RSRC1: variants seen among roughly 807,000 people sequenced by gnomAD.
RSRC1 encodes arginine and serine rich coiled-coil 1, also known as serine/Arginine-related protein 53.
Under a neutral mutation model 49.1 loss-of-function variants are expected in RSRC1, and 39 were observed. The observed-to-expected ratio is 0.79, with a 90% CI of 0.61 to 1.04. The LOEUF (loss-of-function observed/expected upper bound fraction) is 1.04, where lower values mean the gene tolerates loss of function less well. Among genes scored for constraint, RSRC1 ranks in the 50% least tolerant of loss-of-function variants. The pLI, the probability that RSRC1 is intolerant of heterozygous loss-of-function variation, is 0.00. For missense variants in RSRC1, 388 were observed against 402.4 expected, an observed-to-expected ratio of 0.96 and a Z score of 0.31; for synonymous variants, 143 against 130.8, an observed-to-expected ratio of 1.09 and a Z score of -0.63.
At chr3:158,144,279 C>T (rs963227469) in intron 3 of RSRC1, among the ~76,000 whole-genome samples, 1 of 151,954 alleles carries the variant, frequency 6.6e-6, no homozygotes, top group African/African-American at 2.4e-5. Flanking sequence ...TGCTATCCCT[C>T]CCCCCTCCTC....
At chr3:158,260,519 C>G (rs1407614442) in intron 4 of RSRC1, among the ~76,000 whole-genome samples, 2 of 152,066 alleles carry the variant, frequency 1.3e-5, no homozygotes, top group Non-Finnish European at 2.9e-5. Context: ...CCTGTTCTGC[C>G]TGGGATTAGG....
chr3:158,400,732 C>T (rs1294818011), intron 6 of RSRC1, among the ~76,000 whole-genome samples: 1 of 151,998 alleles, frequency 6.6e-6, no homozygotes, highest in African/African-American at 2.4e-5. Flanking sequence ...TACAGCCATA[C>T]AGTGCATCAT....
intron 4 of RSRC1, among the ~76,000 whole-genome samples, chr3:158,237,230 T>C (rs1467292385): frequency 6.6e-6 from 1 of 152,204 alleles, no homozygotes; most frequent in Non-Finnish European, 1.5e-5. Flanking sequence ...CGGAGAGATG[T>C]GTTTAATATC....
chr3:158,224,180 G>A (rs1423053416), intron 4 of RSRC1, among the ~76,000 whole-genome samples: 4 of 151,620 alleles, frequency 2.6e-5, no homozygotes, highest in African/African-American at 9.7e-5. Flanking sequence ...TATGTCACTT[G>A]GATTTAAATC....
chr3:158,249,126 T>TA, intron 4 of RSRC1, among the ~76,000 whole-genome samples: 2 of 152,308 alleles, frequency 1.3e-5, no homozygotes, highest in South Asian at 2.1e-4. Flanking sequence ...TCTCCTATTT[T>TA]AAAAAATCAT....
At chr3:158,289,066 AACATTTCTGTTGT>A (rs1223780628) in intron 4 of RSRC1, among the ~76,000 whole-genome samples, 1 of 152,134 alleles carries the variant, frequency 6.6e-6, no homozygotes, top group African/African-American at 2.4e-5. Flanking sequence ...CTCAGCAAAT[AACATTTCTGTTGT>A]ACTTCTTTCA....
rs767861377 is a variant in RSRC1 at position 158,225,758 on chromosome 3, A to G, written c.494+22513A>G. ...TGTGAGTAAACCTATACAAGCCCTT[A>G]GAAACATTTTTACATTCAGTAGAAC... On this transcript the variant is annotated intron_variant, in intron 4 of 9. Coordinates refer to ENST00000611884, the MANE Select transcript of RSRC1 (RefSeq NM_001271838.2). 219 of 432,032 alleles carry G rather than the reference A, an allele frequency of 5.1e-4. 1 individual carries two copies. The highest frequency in any genetic ancestry group is 3.6e-3 in the South Asian group (210 of 58,534). 26.8% of individuals were successfully genotyped at this position (432,032 alleles called of 1,614,324 possible).
chr3:158,268,598 C>A (rs1184118047), intron 4 of RSRC1, among the ~76,000 whole-genome samples: 1 of 152,172 alleles, frequency 6.6e-6, no homozygotes, highest in Non-Finnish European at 1.5e-5. Context: ...AGTAACTCTT[C>A]ACTTCTAAGT....
chr3:158,500,974 G>A (rs1207136751), intron 7 of RSRC1, among the ~76,000 whole-genome samples: 1 of 151,984 alleles, frequency 6.6e-6, no homozygotes, highest in Non-Finnish European at 1.5e-5. Flanking sequence ...TGCTCTGTCA[G>A]TCTTTTTGAT....
Position 158,328,223 on chromosome 3 carries a change from C to A in RSRC1, c.532-26634C>A, listed in dbSNP as rs554060136. Reference sequence around the variant, plus strand: ...TGTGTCTTTTAATTGGAGCATTTAGCCCATTTATATTTAAGGTTAATATTG... The same window carrying A: ...TGTGTCTTTTAATTGGAGCATTTAGACCATTTATATTTAAGGTTAATATTG... On this transcript the variant is annotated intron_variant, in intron 5 of 9. Coordinates refer to ENST00000611884, the MANE Select transcript of RSRC1 (RefSeq NM_001271838.2). Among the ~76,000 whole-genome samples the A allele has an allele frequency of 4.6e-5, 7 of 152,180 alleles. No individual in the cohort carries two copies. In the East Asian group the frequency reaches 1.4e-3, roughly 29 times the overall value.
At chr3:158,397,316 G>A (rs1185286525) in intron 6 of RSRC1, among the ~76,000 whole-genome samples, 2 of 152,136 alleles carry the variant, frequency 1.3e-5, no homozygotes, top group African/African-American at 2.4e-5. Context: ...TTGGCTTCTA[G>A]CCATAACATA....
intron 4 of RSRC1, among the ~76,000 whole-genome samples, chr3:158,277,551 A>T (rs1725885987): frequency 6.6e-6 from 1 of 152,190 alleles, no homozygotes; most frequent in African/African-American, 2.4e-5. Context: ...AGGCAGAAAA[A>T]TACTGCTGGA....
intron 3 of RSRC1, among the ~76,000 whole-genome samples, chr3:158,169,184 A>G (rs1337454694): frequency 2.0e-5 from 3 of 152,188 alleles, no homozygotes; most frequent in Non-Finnish European, 2.9e-5. Flanking sequence ...CAAAGTATGT[A>G]CAGTGAGAGT....
At chr3:158,338,549 T>C (rs1324120453) in intron 5 of RSRC1, among the ~76,000 whole-genome samples, 2 of 152,202 alleles carry the variant, frequency 1.3e-5, no homozygotes, top group Admixed American at 6.5e-5. Flanking sequence ...ACTGCAAATA[T>C]GTTTAGTAGT....
intron 7 of RSRC1, among the ~76,000 whole-genome samples, chr3:158,476,459 C>T (rs777457203): frequency 2.0e-5 from 3 of 152,102 alleles, no homozygotes; most frequent in Non-Finnish European, 4.4e-5. Context: ...TGACTCTTGT[C>T]AGGGGCTAAT....
At chr3:158,376,677 TG>T (rs1186070369) in intron 6 of RSRC1, among the ~76,000 whole-genome samples, 1 of 152,220 alleles carries the variant, frequency 6.6e-6, no homozygotes, top group Non-Finnish European at 1.5e-5. Context: ...TGTTCTACTT[TG>T]TGTGGTGTCA....
chr3:158,436,036 C>A (rs1736024583), intron 6 of RSRC1, among the ~76,000 whole-genome samples: 1 of 151,700 alleles, frequency 6.6e-6, no homozygotes, highest in African/African-American at 2.4e-5. Context: ...GTAACATGAA[C>A]AGAATTAAAT....
At chr3:158,193,670 T>G (rs1417601547) in intron 3 of RSRC1, among the ~76,000 whole-genome samples, 1 of 152,148 alleles carries the variant, frequency 6.6e-6, no homozygotes, top group Admixed American at 6.6e-5. Flanking sequence ...AGAATTTAAC[T>G]GATTATTGCT....
chr3:158,280,854 C>A (rs1265907772), intron 4 of RSRC1, among the ~76,000 whole-genome samples: 1 of 151,866 alleles, frequency 6.6e-6, no homozygotes, highest in Non-Finnish European at 1.5e-5. Flanking sequence ...ACCCTTTTGC[C>A]CAGTCTGGTT....
Sources: allele counts gnomAD v4.1 joint callset (sites outside exome capture counted in the v4.1 genomes callset), GRCh38; gene constraint gnomAD v4.1.1; transcripts MANE v1.5; gene names NCBI Gene and HGNC (gene_info 2026-07-23, HGNC 2026-07-21).